The following TRPM7 variants were observed in gnomAD, a reference collection of about 807,000 sequenced individuals.
TRPM7 encodes the protein LTRPC ion channel family member 7.
A neutral mutation model predicts 229.7 loss-of-function variants in TRPM7; 134 were observed. That is an observed-to-expected ratio of 0.58 (90% CI 0.51 to 0.67). The LOEUF (loss-of-function observed/expected upper bound fraction) is 0.67, where lower values mean the gene tolerates loss of function less well. TRPM7 is among the 30% of genes least tolerant of loss of function. TRPM7 has a pLI of 0.00. For missense variants in TRPM7, 1,901 were observed against 2,210.0 expected, an observed-to-expected ratio of 0.86 and a Z score of 2.80; for synonymous variants, 699 against 715.2, an observed-to-expected ratio of 0.98 and a Z score of 0.36.
intron 3 of TRPM7, among the ~76,000 whole-genome samples, chr15:50,650,686 C>T (rs2061398485): frequency 6.6e-6 from 1 of 150,978 alleles, no homozygotes; most frequent in Admixed American, 6.6e-5. Context: ...CACAGCAAGA[C>T]TGGGTCTCAA....
At chr15:50,589,101 C>A (rs187061033) in intron 27 of TRPM7, among the ~76,000 whole-genome samples, 4 of 152,074 alleles carry the variant, frequency 2.6e-5, no homozygotes, top group African/African-American at 9.7e-5. Flanking sequence ...GCAGGCGGAT[C>A]GCTTGAGGTC....
chr15:50,648,555 T>C (rs949546825), intron 4 of TRPM7, 132 bp downstream of exon 4: 10 of 630,016 alleles, frequency 1.6e-5, no homozygotes, highest in Non-Finnish European at 2.6e-5. Flanking sequence ...TCTATATTTG[T>C]ATGCACCTTT....
chr15:50,613,860 T>A lies in TRPM7; in HGVS notation c.1636-19A>T, dbSNP rs1180060619. 6.2e-7 allele frequency: 1 copy of A among 1,601,736 alleles called. No individual in the cohort carries two copies. The highest frequency in any genetic ancestry group is 1.1e-5 in the South Asian group (1 of 88,156). Reference sequence around the variant, plus strand: ...CAGACCTCTGAAAATGAGATCTTATTAGCTTTTATAGATTTAAACGTGCTG... The same window carrying A: ...CAGACCTCTGAAAATGAGATCTTATAAGCTTTTATAGATTTAAACGTGCTG... On this transcript the variant is annotated intron_variant, in intron 14 of 38. Coordinates refer to ENST00000646667, the MANE Select transcript of TRPM7 (RefSeq NM_017672.6).
chr15:50,574,165 T>C, intron 36 of TRPM7, 109 bp downstream of exon 36: 1 of 863,384 alleles, frequency 1.2e-6, no homozygotes, highest in East Asian at 2.6e-5. Context: ...TTATAGCTTC[T>C]ATTGGCCTAA....
chr15:50,573,133 T>C (rs1454761261), intron 36 of TRPM7, among the ~76,000 whole-genome samples: 1 of 152,234 alleles, frequency 6.6e-6, no homozygotes, highest in African/African-American at 2.4e-5. Context: ...AAGATGGCTA[T>C]GAGCAATTTT....
At chr15:50,635,424 G>A (rs1039175083) in intron 7 of TRPM7, among the ~76,000 whole-genome samples, 1 of 150,764 alleles carries the variant, frequency 6.6e-6, no homozygotes, top group Non-Finnish European at 1.5e-5. Context: ...AGCACTTTGA[G>A]AGGCCAAGTC....
rs34051921 is a variant in TRPM7 at position 50,590,825 on chromosome 15, T to TAA, written c.4324+1084_4324+1085dup. On this transcript the variant is annotated intron_variant, in intron 26 of 38. Coordinates refer to ENST00000646667, the MANE Select transcript of TRPM7 (RefSeq NM_017672.6). ...GGCGACAGAGGGAGACTCCGTCTTT[T>TAA]AAAAAAAAAAAAAAAAGGGGGAATA... Among the ~76,000 whole-genome samples, 61 of 118,102 alleles carry TAA rather than the reference T, an allele frequency of 5.2e-4. 1 individual carries two copies. Among genetic ancestry groups the TAA allele is most frequent in the African/African-American group, 9.2e-4 (33 of 35,678 alleles). The allele number at this position is 118,102 out of a possible 152,430, so 77.5% of individuals were successfully genotyped here.
chr15:50,684,451 G>A lies in TRPM7; in HGVS notation c.3+2080C>T, dbSNP rs553270114. On this transcript the variant is annotated intron_variant, in intron 1 of 38. Coordinates refer to ENST00000646667, the MANE Select transcript of TRPM7 (RefSeq NM_017672.6). ...ACATCAGGAGTTCAAGACCACCCTG[G>A]CCAATATGACGAAACCCCATCTCCA... 5.6e-4 allele frequency among the ~76,000 whole-genome samples: 85 copies of A among 152,080 alleles called. No individual in the cohort carries two copies. The Middle Eastern group carries it at 0.01, about 18-fold the overall frequency.
chr15:50,660,008 G>A (rs566213578), intron 2 of TRPM7, among the ~76,000 whole-genome samples: 15 of 152,122 alleles, frequency 9.9e-5, no homozygotes, highest in South Asian at 6.2e-4. Context: ...CAATTTCTCC[G>A]GAAGAAAAAT....
At chr15:50,658,571 CAAA>C (rs774950805) in intron 2 of TRPM7, among the ~76,000 whole-genome samples, 3 of 101,784 alleles carry the variant, frequency 2.9e-5, no homozygotes, top group Non-Finnish European at 4.3e-5. Flanking sequence ...GAAACTGTCT[CAAA>C]AAAAAAAAAA....
intron 3 of TRPM7, among the ~76,000 whole-genome samples, chr15:50,654,957 C>T (rs1363402624): frequency 4.9e-5 from 7 of 142,754 alleles, no homozygotes; most frequent in Non-Finnish European, 9.2e-5. Context: ...GCTGAGACTG[C>T]GCCACTGCAC....
intron 19 of TRPM7, among the ~76,000 whole-genome samples, chr15:50,608,472 GA>G (rs1215494675): frequency 6.6e-6 from 1 of 152,200 alleles, no homozygotes; most frequent in Non-Finnish European, 1.5e-5. Flanking sequence ...AGAAAGAAAA[GA>G]GAAATTCCTG....
rs2054098256 is a variant in TRPM7, at chr15:50,575,705, C to A, written c.4735+19G>T. The stretch of plus-strand genomic sequence containing the variant: ...AGGGTTAATTTTCACTTATTTATTT[C>A]TTTAATTTTTGGATTTACCTCTTGG... On this transcript the variant is annotated intron_variant, in intron 33 of 38. Transcript: ENST00000646667. 2 of 1,600,322 alleles carry A rather than the reference C, an allele frequency of 1.2e-6. No homozygotes were observed. Among genetic ancestry groups the A allele is most frequent in the South Asian group, 1.1e-5 (1 of 88,960 alleles).
At chr15:50,604,579 A>AG (rs1443194774) in intron 21 of TRPM7, 5 of 186,190 alleles carry the variant, frequency 2.7e-5, no homozygotes, top group African/African-American at 7.0e-5. Context: ...TCAAAAAGAA[A>AG]AAAAAAAAAA....
At chr15:50,657,336 A>C (rs750052782) in intron 3 of TRPM7, among the ~76,000 whole-genome samples, 16 of 152,160 alleles carry the variant, frequency 1.1e-4, no homozygotes, top group East Asian at 1.9e-4. Flanking sequence ...AATAATAATA[A>C]TACTAATATA....
In TRPM7 at chr15:50,599,383, C is replaced by A. The variant is rs978294802; in HGVS notation, c.2989-87G>T. ...AAAAGCTTCTAATGTTCTAATAGAC[C>A]AAAAAAATCCATTAAACACAAAAAA... On this transcript the variant is annotated intron_variant, in intron 21 of 38. Transcript: ENST00000646667. 1.2e-5 allele frequency: 11 copies of A among 895,482 alleles called. No homozygotes were observed. The African/African-American group carries it at 1.9e-4, about 15-fold the overall frequency. 55.5% of individuals were successfully genotyped at this position (895,482 alleles called of 1,614,324 possible).
At chr15:50,589,439 A>T (rs1267090384) in intron 27 of TRPM7, among the ~76,000 whole-genome samples, 153 bp downstream of exon 27, 1 of 152,062 alleles carries the variant, frequency 6.6e-6, no homozygotes, top group Non-Finnish European at 1.5e-5. Flanking sequence ...ATTTTTTCAA[A>T]CTGAGGACAG....
Position 50,594,367 on chromosome 15 carries a change from C to A in TRPM7, c.3475+62G>T, listed in dbSNP as rs991593453. On this transcript the variant is annotated intron_variant, in intron 24 of 38. Transcript: ENST00000646667. ...ATTTTTGAATAAAATCAATATATAG[C>A]CTTTGGTGTAAAAATGAGAAGTGAT... 9 of 1,378,394 alleles carry A rather than the reference C, an allele frequency of 6.5e-6. No individual in the cohort carries two copies. In the Admixed American group the frequency reaches 1.3e-4, roughly 20 times the overall value. The allele number at this position is 1,378,394 out of a possible 1,614,324, so 85.4% of individuals were successfully genotyped here.
chr15:50,619,776 A>G lies in TRPM7; in HGVS notation c.1463T>C (p.Met488Thr), dbSNP rs745385007. Residue 488 changes from methionine (M) to threonine (T), a missense_variant, in exon 13 of 39, where the codon ATG (methionine) becomes ACG (threonine). Physicochemically the swap from Met to Thr is moderately conservative, Grantham distance 81. Around this residue, in one of 8 missense-constraint regions of TRPM7, gnomAD observed 794 missense variants for 881.9 expected, o/e 0.90. Coordinates refer to ENST00000646667, the MANE Select transcript of TRPM7 (RefSeq NM_017672.6). ...YNTKQGPTNP[M>T]LFHLVRDVKQ... ...GACGTCTCGAACAAGATGAAACAGC[A>G]TTGGATTAGTTGGACCTTGTTTCTT... is the stretch of plus-strand genomic sequence containing the variant. 7.5e-6 allele frequency: 12 copies of G among 1,600,876 alleles called. No individual in the cohort carries two copies. The highest frequency in any genetic ancestry group is 1.0e-5 in the Non-Finnish European group (12 of 1,176,410).
Sources: gnomAD v4.1 joint callset for allele counts (sites outside exome capture counted in the v4.1 genomes callset) on GRCh38, gnomAD v4.1.1 for gene constraint, gnomAD v4.1.1 regional missense constraint, MANE v1.5 for transcripts, NCBI Gene and HGNC (gene_info 2026-07-23, HGNC 2026-07-21) for gene names.